Variants in ATP6V1H observed in about 807,000 individuals in gnomAD.
ATP6V1H encodes ATPase H+ transporting V1 subunit H.
In ATP6V1H, 39 loss-of-function variants were observed where a neutral mutation model predicts 71.7. That is an observed-to-expected ratio of 0.54 (90% CI 0.42 to 0.71). The LOEUF (loss-of-function observed/expected upper bound fraction) is 0.71. Among genes scored for constraint, ATP6V1H ranks in the 30% least tolerant of loss-of-function variants. The pLI, the probability that ATP6V1H is intolerant of heterozygous loss-of-function variation, is 0.00. For missense variants in ATP6V1H, 509 were observed against 594.9 expected (o/e 0.86, Z 1.50); for synonymous variants, 192 against 199.3 (o/e 0.96, Z 0.31).
intron 9 of ATP6V1H, 32 bp downstream of exon 9, chr8:53,795,615 C>G: frequency 1.3e-6 from 2 of 1,595,030 alleles, no homozygotes; most frequent in Non-Finnish European, 1.7e-6. Context: ...AAAAATGCCT[C>G]ACATACACAC....
At chr8:53,764,993 T>C (rs550689533) in intron 11 of ATP6V1H, among the ~76,000 whole-genome samples, 1 of 152,132 alleles carries the variant, frequency 6.6e-6, no homozygotes, top group Non-Finnish European at 1.5e-5. Flanking sequence ...TAGTCCTAGC[T>C]GCTCAAGAGG....
At chr8:53,719,153 G>A (rs1436220183) in intron 13 of ATP6V1H, among the ~76,000 whole-genome samples, 1 of 152,056 alleles carries the variant, frequency 6.6e-6, no homozygotes, top group Admixed American at 6.5e-5. Flanking sequence ...CTTCGAACTT[G>A]GCTTTTATGT....
At position 53,801,881 on chromosome 8, in the gene ATP6V1H, G is replaced by A; in HGVS notation, c.595C>T (p.Gln199Ter). 6.2e-7 allele frequency: 1 copy of A among 1,613,714 alleles called. No homozygotes were observed. The highest frequency in any genetic ancestry group is 2.2e-5 in the East Asian group (1 of 44,862). ...AGCTGCAAACACCCGGCCACGCACTGCACATACTGCGAACTCTGCACAAGA... is the reference window on the plus strand; with the variant it reads ...AGCTGCAAACACCCGGCCACGCACTACACATACTGCGAACTCTGCACAAGA... ...VSSSDSSQYV[Q>*]CVAGCLQLML... is the part of the protein sequence containing the mutation. Residue 199 changes from glutamine (Q) to a stop codon, truncating the protein, a stop_gained, in exon 8 of 14, where the codon CAG becomes TAG. Coordinates refer to ENST00000359530, the MANE Select transcript of ATP6V1H (RefSeq NM_015941.4). LOFTEE classifies it high-confidence loss of function.
At chr8:53,722,354 T>G (rs191182042) in intron 13 of ATP6V1H, among the ~76,000 whole-genome samples, 1 of 152,166 alleles carries the variant, frequency 6.6e-6, no homozygotes, top group South Asian at 2.1e-4. Context: ...CAGCAAGTGG[T>G]TATAATCAAA....
Position 53,841,642 on chromosome 8 carries a change from T to C in ATP6V1H, c.49A>G (p.Asn17Asp), listed in dbSNP as rs1811345896. Residue 17 changes from asparagine (N) to aspartate (D), a missense_variant, in exon 2 of 14, where the codon AAT becomes GAT. Physicochemically the swap from Asn to Asp is conservative, Grantham distance 23. Around this residue, in one of 2 missense-constraint regions of ATP6V1H, gnomAD observed 297 missense variants for 303.3 expected, o/e 0.98. Coordinates refer to ENST00000359530, the MANE Select transcript of ATP6V1H (RefSeq NM_015941.4). ...TCTGCAGCCTTGGCAGCAATAATAT[T>C]GGTGGGGACAGCAGCATCCACAGCA... ...RGAVDAAVPT[N>D]IIAAKAAEVR... The C allele has an allele frequency of 6.2e-7, 1 of 1,614,068 alleles. No homozygotes were observed. The highest frequency in any genetic ancestry group is 1.3e-5 in the African/African-American group (1 of 74,946).
chr8:53,832,589 C>T (rs1811043493), intron 3 of ATP6V1H: 1 of 152,894 alleles, frequency 6.5e-6, no homozygotes, highest in Admixed American at 6.5e-5. Context: ...CATATAAATA[C>T]TTAATAAATC....
chr8:53,827,748 C>T (rs1235873899), intron 4 of ATP6V1H, among the ~76,000 whole-genome samples: 1 of 151,886 alleles, frequency 6.6e-6, no homozygotes, highest in Non-Finnish European at 1.5e-5. Flanking sequence ...TTTTTCTGAT[C>T]CTCTCTCTCC....
intron 13 of ATP6V1H, among the ~76,000 whole-genome samples, chr8:53,720,028 AAGG>A (rs1374953064): frequency 2.0e-5 from 3 of 152,234 alleles, no homozygotes; most frequent in Non-Finnish European, 2.9e-5. Context: ...CAAAGGATGC[AAGG>A]AGATCTTTTG....
chr8:53,828,569 G>C (rs1252838183), intron 4 of ATP6V1H, among the ~76,000 whole-genome samples: 1 of 152,088 alleles, frequency 6.6e-6, no homozygotes, highest in African/African-American at 2.4e-5. Context: ...ATGAAAAAGT[G>C]CTCAGAGAGA....
rs201415994 is a variant in ATP6V1H, at chr8:53,724,857, GA to G, written c.1392-8834del. On this transcript the variant is annotated intron_variant, in intron 13 of 13. Transcript: ENST00000359530. ...CCTTGAGACATAACCTTGTCTGCAA[GA>G]AAAAAAAAAAAATAACAGCACCTAT... 2.6e-3 allele frequency among the ~76,000 whole-genome samples: 358 copies of G among 135,762 alleles called. 1 individual carries two copies. The highest frequency in any genetic ancestry group is 1.3e-3 in the Non-Finnish European group (82 of 61,880). The allele number at this position is 135,762 out of a possible 152,430, so 89.1% of individuals were successfully genotyped here.
chr8:53,833,131 T>C (rs1232498232), intron 2 of ATP6V1H, 45 bp from the exon 3 acceptor site: 3 of 1,493,550 alleles, frequency 2.0e-6, no homozygotes, highest in Admixed American at 1.7e-5. Flanking sequence ...GAGTTGAATA[T>C]GTAAGCAAGC....
intron 11 of ATP6V1H, among the ~76,000 whole-genome samples, chr8:53,763,728 T>C (rs1241931825): frequency 2.6e-5 from 4 of 151,420 alleles, no homozygotes; most frequent in Non-Finnish European, 5.9e-5. Flanking sequence ...ACAAAACAAG[T>C]CTTCTTAGAT....
At chr8:53,822,180 A>T (rs1013427962) in intron 4 of ATP6V1H, among the ~76,000 whole-genome samples, 2 of 152,184 alleles carry the variant, frequency 1.3e-5, no homozygotes, top group African/African-American at 4.8e-5. Flanking sequence ...AAAAATTTTA[A>T]TGCAAAAATT....
At chr8:53,790,401 C>T (rs770414772) in intron 9 of ATP6V1H, among the ~76,000 whole-genome samples, 2 of 152,084 alleles carry the variant, frequency 1.3e-5, no homozygotes, top group Non-Finnish European at 2.9e-5. Context: ...CTGCTGTAGC[C>T]CTGGTGCCAA....
chr8:53,820,679 AAAAG>A (rs1204173057), intron 4 of ATP6V1H, among the ~76,000 whole-genome samples: 1 of 150,702 alleles, frequency 6.6e-6, no homozygotes, highest in Non-Finnish European at 1.5e-5. Flanking sequence ...AAAAAAAAAA[AAAAG>A]AAAAGAAAAC....
intron 9 of ATP6V1H, among the ~76,000 whole-genome samples, chr8:53,784,639 T>A (rs1809302076): frequency 6.6e-6 from 1 of 152,214 alleles, no homozygotes; most frequent in Admixed American, 6.5e-5. Flanking sequence ...GCAGTGATGG[T>A]CTTTACAATT....
At chr8:53,786,662 G>T (rs1313267702) in intron 9 of ATP6V1H, among the ~76,000 whole-genome samples, 1 of 152,166 alleles carries the variant, frequency 6.6e-6, no homozygotes, top group Non-Finnish European at 1.5e-5. Context: ...AGCCATCTTG[G>T]CTCCACTCCC....
intron 11 of ATP6V1H, among the ~76,000 whole-genome samples, chr8:53,763,214 G>A (rs1424706641): frequency 6.6e-6 from 1 of 152,118 alleles, no homozygotes; most frequent in African/African-American, 2.4e-5. Flanking sequence ...AGGGCCAACA[G>A]CAGACAGAAG....
intron 9 of ATP6V1H, among the ~76,000 whole-genome samples, chr8:53,782,198 G>C (rs1374071580): frequency 6.6e-6 from 1 of 151,956 alleles, no homozygotes; most frequent in Non-Finnish European, 1.5e-5. Flanking sequence ...CCATTTGTTT[G>C]TATCCTCTTT....
Sources: allele counts gnomAD v4.1 joint callset (sites outside exome capture counted in the v4.1 genomes callset), GRCh38; gene constraint gnomAD v4.1.1; regional missense constraint gnomAD v4.1.1; transcripts MANE v1.5; gene names NCBI Gene and HGNC (gene_info 2026-07-23, HGNC 2026-07-21).